The following VPS13B variants were observed in gnomAD, a reference collection of about 807,000 sequenced individuals.
VPS13B encodes the protein intermembrane lipid transfer protein VPS13B.
A neutral mutation model predicts 426.4 loss-of-function variants in VPS13B; 285 were observed. The ratio of observed to expected loss-of-function variants is 0.67; its 90% confidence interval spans 0.61 to 0.74. The LOEUF is 0.74. VPS13B is among the 30% of genes least tolerant of loss of function. The pLI is 0.00. For missense variants in VPS13B, 4,537 were observed against 4,782.6 expected, an observed-to-expected ratio of 0.95 and a Z score of 1.51; for synonymous variants, 1,676 against 1,676.4, an observed-to-expected ratio of 1.00 and a Z score of 0.01.
chr8:99,301,492 G>C (rs1208796572), intron 19 of VPS13B, among the ~76,000 whole-genome samples: 1 of 151,890 alleles, frequency 6.6e-6, no homozygotes, highest in Non-Finnish European at 1.5e-5. Flanking sequence ...GTTTCTCCAT[G>C]TTGGTCAGGC....
chr8:99,073,772 T>G (rs957206223), intron 3 of VPS13B, among the ~76,000 whole-genome samples: 4 of 151,322 alleles, frequency 2.6e-5, no homozygotes, highest in African/African-American at 7.3e-5. Flanking sequence ...GTTTCTTTCT[T>G]TCTTCTTTTT....
At position 99,854,129 on chromosome 8, in the gene VPS13B, G is replaced by A. The variant is rs768333660; in HGVS notation, c.10740G>A (p.Leu3580=). The change falls in exon 56 of 62, where the codon CTG becomes CTA. Residue 3580 remains leucine (L), a synonymous_variant. Transcript: ENST00000357162. ...LLVSIHASLK[L]YIASDHTPLS... The stretch of plus-strand genomic sequence containing the variant: ...TCAGCATCCACGCTTCCCTCAAGCT[G>A]TACATAGCCTCAGACCACACTCCTC... 6.2e-7 allele frequency: 1 copy of A among 1,613,780 alleles called. No homozygotes were observed. The highest frequency in any genetic ancestry group is 8.5e-7 in the Non-Finnish European group (1 of 1,179,954).
intron 33 of VPS13B, among the ~76,000 whole-genome samples, chr8:99,616,609 C>T (rs1191661939): frequency 6.6e-6 from 1 of 152,148 alleles, no homozygotes; most frequent in African/African-American, 2.4e-5. Flanking sequence ...GGGCAGATCA[C>T]GAGGTCAGGA....
intron 6 of VPS13B, among the ~76,000 whole-genome samples, chr8:99,111,660 C>T (rs1468929887): frequency 6.6e-6 from 1 of 152,078 alleles, no homozygotes; most frequent in Non-Finnish European, 1.5e-5. Flanking sequence ...GCTATCTATA[C>T]TTTTTCTTCT....
intron 30 of VPS13B, among the ~76,000 whole-genome samples, chr8:99,534,644 A>C (rs1351764043): frequency 6.6e-6 from 1 of 152,152 alleles, no homozygotes; most frequent in Non-Finnish European, 1.5e-5. Flanking sequence ...AAGTGAGAGA[A>C]AGCATAGGGT....
At chr8:99,612,118 A>T (rs1459665485) in intron 33 of VPS13B, among the ~76,000 whole-genome samples, 1 of 152,110 alleles carries the variant, frequency 6.6e-6, no homozygotes, top group East Asian at 1.9e-4. Context: ...CCCAGATTTT[A>T]TGTCTAAAGT....
At chr8:99,723,629 A>T (rs781293626) in intron 39 of VPS13B, among the ~76,000 whole-genome samples, 12 of 151,872 alleles carry the variant, frequency 7.9e-5, no homozygotes, top group Non-Finnish European at 1.5e-4. Flanking sequence ...ATGATGGATG[A>T]CTCTACAGAC....
At chr8:99,121,120 T>G (rs1847910693) in intron 7 of VPS13B, 57 bp from the exon 8 acceptor site, 1 of 1,530,298 alleles carries the variant, frequency 6.5e-7, no homozygotes, top group African/African-American at 1.4e-5. Context: ...TGTCTATTTC[T>G]ATTCTCTTAG....
chr8:99,013,395 C>A, intron 1 of VPS13B, 48 bp downstream of exon 1: 1 of 325,948 alleles, frequency 3.1e-6, no homozygotes, highest in Admixed American at 4.6e-5. Flanking sequence ...GACGGGAGGT[C>A]TTCTAGCTTT....
intron 19 of VPS13B, among the ~76,000 whole-genome samples, chr8:99,331,701 T>C (rs1810552710): frequency 6.6e-6 from 1 of 151,718 alleles, no homozygotes; most frequent in Non-Finnish European, 1.5e-5. Context: ...GTTTTGACTT[T>C]GGTGATGTTG....
chr8:99,481,836 A>T lies in VPS13B; in HGVS notation c.3870+34A>T, dbSNP rs368005060. On this transcript the variant is annotated intron_variant, in intron 25 of 61. Transcript: ENST00000357162. ...TTTTGAAAATCCTGTTACAAAATGA[A>T]GGTTAATATATAACACAGATTTCCA... is the stretch of plus-strand genomic sequence containing the variant. 92 of 1,607,502 alleles carry T rather than the reference A, an allele frequency of 5.7e-5. 1 individual carries two copies. In the Middle Eastern group the frequency reaches 6.6e-4, roughly 12 times the overall value.
intron 30 of VPS13B, among the ~76,000 whole-genome samples, chr8:99,529,285 A>C (rs1822806940): frequency 6.6e-6 from 1 of 152,128 alleles, no homozygotes; most frequent in South Asian, 2.1e-4. Flanking sequence ...TGTCTTAAGT[A>C]ATGGAATTGT....
chr8:99,698,041 C>G (rs1033386939), intron 35 of VPS13B: 6 of 356,348 alleles, frequency 1.7e-5, no homozygotes, highest in African/African-American at 1.1e-4. Context: ...GCCACCTGTC[C>G]TCCTGCTGCC....
intron 33 of VPS13B, among the ~76,000 whole-genome samples, chr8:99,611,016 T>C (rs1827826971): frequency 6.6e-6 from 1 of 152,238 alleles, no homozygotes; most frequent in Non-Finnish European, 1.5e-5. Flanking sequence ...AACTGTTAGA[T>C]TTGAGAAATT....
intron 19 of VPS13B, among the ~76,000 whole-genome samples, chr8:99,321,908 A>C (rs1810007766): frequency 6.6e-6 from 1 of 152,204 alleles, no homozygotes; most frequent in Non-Finnish European, 1.5e-5. Flanking sequence ...AGACTGTGGG[A>C]ATGAAAGTGA....
intron 8 of VPS13B, 32 bp downstream of exon 8, chr8:99,121,477 A>G (rs781719594): frequency 1.2e-6 from 2 of 1,609,922 alleles, no homozygotes; most frequent in Admixed American, 1.7e-5. Context: ...TTATATCTCT[A>G]TCAACTTTAA....
chr8:99,478,717 G>C (rs1819878840), intron 24 of VPS13B, among the ~76,000 whole-genome samples: 2 of 151,396 alleles, frequency 1.3e-5, no homozygotes, highest in Admixed American at 1.3e-4. Context: ...CCAAAGTGCT[G>C]GGATTACAGG....
chr8:99,678,745 G>A (rs1343928096), intron 35 of VPS13B, among the ~76,000 whole-genome samples: 3 of 152,152 alleles, frequency 2.0e-5, no homozygotes, highest in East Asian at 3.9e-4. Flanking sequence ...TTTTCCATAT[G>A]TTAGCTGGCA....
intron 30 of VPS13B, among the ~76,000 whole-genome samples, chr8:99,537,604 G>A (rs1298488066): frequency 2.0e-5 from 3 of 152,142 alleles, no homozygotes; most frequent in Non-Finnish European, 2.9e-5. Flanking sequence ...CTCCTCTTTG[G>A]AGAAAATTGC....
Sources: gnomAD v4.1 joint callset for allele counts (sites outside exome capture counted in the v4.1 genomes callset) on GRCh38, gnomAD v4.1.1 for gene constraint, MANE v1.5 for transcripts, NCBI Gene and HGNC (gene_info 2026-07-23, HGNC 2026-07-21) for gene names.